CARM1: variants seen among roughly 807,000 people sequenced by gnomAD.
CARM1 encodes histone-arginine methyltransferase CARM1.
Under a neutral mutation model 72.7 loss-of-function variants are expected in CARM1, and 14 were observed. The ratio of observed to expected loss-of-function variants is 0.19; its 90% CI spans 0.13 to 0.30. The LOEUF (loss-of-function observed/expected upper bound fraction) is 0.30, where lower values mean the gene tolerates loss of function less well. Among genes scored for constraint, CARM1 ranks in the 10% least tolerant of loss-of-function variants. The pLI is 1.00. For synonymous variants in CARM1, 333 were observed against 345.5 expected, an observed-to-expected ratio of 0.96 and a Z score of 0.40; for missense variants, 432 against 833.7, an observed-to-expected ratio of 0.52 and a Z score of 5.93.
Position 10,908,185 on chromosome 19 carries a change from G to A in CARM1, c.453+40G>A. 7.3e-6 allele frequency: 10 copies of A among 1,373,036 alleles called. No individual in the cohort carries two copies. The South Asian group carries it at 9.3e-5, about 13-fold the overall frequency. 85.1% of individuals were successfully genotyped at this position (1,373,036 alleles called of 1,614,324 possible). ...CCCTCAGCCAGGCCGCCTCCCCCCG[G>A]CAGCCCCCCTGCCACTCACCCGCAG... On this transcript the variant is annotated intron_variant, in intron 3 of 15. Transcript: ENST00000327064.
At chr19:10,904,067 G>A (rs980340404) in intron 1 of CARM1, among the ~76,000 whole-genome samples, 6 of 152,144 alleles carry the variant, frequency 3.9e-5, no homozygotes, top group Non-Finnish European at 8.8e-5. Context: ...ACTTTGCATT[G>A]CATTGGGCAC....
At chr19:10,890,793 ATATTTTTTTTTTTT>A (rs1357906116) in intron 1 of CARM1, among the ~76,000 whole-genome samples, 1 of 83,788 alleles carries the variant, frequency 1.2e-5, no homozygotes, top group Admixed American at 1.5e-4. Flanking sequence ...ATATATATAT[ATATTTTTTTTTTTT>A]TTTTTTTTTT....
At position 10,896,351 on chromosome 19, in the gene CARM1, G is replaced by A. The variant is rs896048138; in HGVS notation, c.221-8600G>A. Among the ~76,000 whole-genome samples the A allele has an allele frequency of 1.3e-5, 2 of 152,108 alleles. No individual in the cohort carries two copies. Among genetic ancestry groups the A allele is most frequent in the South Asian group, 2.1e-4 (1 of 4,818 alleles). ...AGTCCCCCAGATTCTGCTGCCCTGG[G>A]GGGCCAATAAGGAGGGGATGTGCAG... On this transcript the variant is annotated intron_variant, in intron 1 of 15. Coordinates refer to ENST00000327064, the MANE Select transcript of CARM1 (RefSeq NM_199141.2). This position sits in a 1 kb window ranked among gnomAD's most constrained non-coding sequence, Gnocchi z 5.2.
Position 10,916,730 on chromosome 19 carries a change from G to A in CARM1, c.973G>A (p.Ala325Thr). Residue 325 changes from alanine to threonine, a missense_variant, in exon 8 of 16, where the codon GCC becomes ACC. Physicochemically the swap from Ala to Thr is moderately conservative, Grantham distance 58 (BLOSUM62 0). Coordinates refer to ENST00000327064, the MANE Select transcript of CARM1 (RefSeq NM_199141.2). This position sits in a 1 kb window ranked among gnomAD's most constrained non-coding sequence, Gnocchi z 4.4. Reference protein sequence around the residue: ...QPSFHGVDLSALRGAAVDEYF... With the variant: ...QPSFHGVDLSTLRGAAVDEYF... ...ATCTTTCCATGGAGTGGACCTGTCG[G>A]CCCTCCGAGGTGCCGCGGTGGATGA... is the stretch of plus-strand genomic sequence containing the variant. 6.4e-7 allele frequency: 1 copy of A among 1,556,186 alleles called. No homozygotes were observed. The highest frequency in any genetic ancestry group is 8.7e-7 in the Non-Finnish European group (1 of 1,149,768).
intron 1 of CARM1, among the ~76,000 whole-genome samples, chr19:10,886,002 T>TA (rs1258803769): frequency 2.7e-5 from 4 of 149,660 alleles, no homozygotes; most frequent in Non-Finnish European, 3.0e-5. Flanking sequence ...GCCTCCCGAG[T>TA]AGCTGGGACG....
At chr19:10,905,826 A>G (rs550191008) in intron 2 of CARM1, among the ~76,000 whole-genome samples, 3 of 151,574 alleles carry the variant, frequency 2.0e-5, no homozygotes, top group Non-Finnish European at 4.4e-5. Flanking sequence ...TTTTTTGTAG[A>G]GATGGGTTTT....
At chr19:10,881,474 G>A (rs531954682) in intron 1 of CARM1, among the ~76,000 whole-genome samples, 2 of 152,308 alleles carry the variant, frequency 1.3e-5, no homozygotes, top group African/African-American at 4.8e-5. Context: ...CCAGGGACAG[G>A]CGAGAAGCTT....
intron 4 of CARM1, among the ~76,000 whole-genome samples, chr19:10,909,431 CT>C (rs1394063807): frequency 6.8e-6 from 1 of 146,020 alleles, no homozygotes; most frequent in African/African-American, 2.6e-5. Flanking sequence ...ACTCTTGTCT[CT>C]TAAAAAAAAA....
intron 1 of CARM1, among the ~76,000 whole-genome samples, chr19:10,894,541 C>T (rs1389844731): frequency 6.6e-6 from 1 of 152,102 alleles, no homozygotes; most frequent in African/African-American, 2.4e-5. Context: ...ATTTGGACAA[C>T]GGCTTCTACA....
chr19:10,919,729 T>C (rs772237907), intron 9 of CARM1, 49 bp downstream of exon 9: 23 of 1,563,940 alleles, frequency 1.5e-5, no homozygotes, highest in Non-Finnish European at 1.7e-5. Flanking sequence ...AGGCCGAAGG[T>C]CAGGGCCACC....
intron 1 of CARM1, among the ~76,000 whole-genome samples, chr19:10,886,966 C>T (rs1223757999): frequency 1.3e-5 from 2 of 152,146 alleles, no homozygotes; most frequent in Non-Finnish European, 1.5e-5. Context: ...CCTCCTGCCT[C>T]GGTGTCCCGA....
At chr19:10,898,368 C>G (rs1477471528) in intron 1 of CARM1, among the ~76,000 whole-genome samples, 1 of 152,186 alleles carries the variant, frequency 6.6e-6, no homozygotes, top group Non-Finnish European at 1.5e-5. Context: ...CCACGGCCTC[C>G]TGGCTCTAGA....
In CARM1 at chr19:10,871,782, C is replaced by G; in HGVS notation, c.80C>G (p.Ala27Gly). 12 of 1,192,266 alleles carry G rather than the reference C, an allele frequency of 1.0e-5. No homozygotes were observed. The highest frequency in any genetic ancestry group is 1.3e-5 in the Non-Finnish European group (12 of 959,346). The allele number at this position is 1,192,266 out of a possible 1,614,324, so 73.9% of individuals were successfully genotyped here. A position where few individuals can be genotyped will look rare whatever the true frequency, so the allele number is the denominator to read the frequency against. ...SAVPGGAGPC[A>G]TVSVFPGARL... ...GTCCCGGGCGGCGCGGGGCCCTGCG[C>G]TACCGTGTCGGTGTTCCCCGGCGCC... Residue 27 changes from alanine (A) to glycine (G), a missense_variant, in exon 1 of 16, where the codon GCT becomes GGT. Coordinates refer to ENST00000327064, the MANE Select transcript of CARM1 (RefSeq NM_199141.2). The surrounding 1 kb of genome is among the most constrained non-coding windows in gnomAD (Gnocchi z 5.6).
intron 1 of CARM1, among the ~76,000 whole-genome samples, chr19:10,878,017 A>AT (rs919321129): frequency 7.2e-5 from 11 of 151,882 alleles, no homozygotes; most frequent in African/African-American, 2.7e-4. Flanking sequence ...AATTTAAGCA[A>AT]TTTTTTTAGA....
intron 1 of CARM1, among the ~76,000 whole-genome samples, chr19:10,881,279 G>A (rs774458209): frequency 6.6e-6 from 1 of 152,212 alleles, no homozygotes; most frequent in South Asian, 2.1e-4. Flanking sequence ...ATTGGCCGTG[G>A]TGTAGCTGTG....
chr19:10,902,544 C>G (rs188471733), intron 1 of CARM1, among the ~76,000 whole-genome samples: 4 of 151,246 alleles, frequency 2.6e-5, no homozygotes, highest in Non-Finnish European at 5.9e-5. Flanking sequence ...CTCCTGACCT[C>G]GTGATCCACC....
chr19:10,891,942 A>G (rs1454808898), intron 1 of CARM1, among the ~76,000 whole-genome samples: 1 of 152,162 alleles, frequency 6.6e-6, no homozygotes, highest in Non-Finnish European at 1.5e-5. Flanking sequence ...TGCTTCCCGG[A>G]GGCAGCACTG....
In CARM1 at chr19:10,871,934, G is replaced by A; in HGVS notation, c.220+12G>A. On this transcript the variant is annotated intron_variant, in intron 1 of 15. Transcript: ENST00000327064. The surrounding 1 kb of genome is among the most constrained non-coding windows in gnomAD (Gnocchi z 5.6). The stretch of plus-strand genomic sequence containing the variant: ...CGCCCTCTACAGCCGTGAGTACGGG[G>A]CCCCGGGGCAGGCGCAGGGCCGGGG... 8.4e-6 allele frequency: 10 copies of A among 1,184,144 alleles called. No individual in the cohort carries two copies. The highest frequency in any genetic ancestry group is 1.0e-5 in the Non-Finnish European group (10 of 956,704). 73.4% of individuals were successfully genotyped at this position (1,184,144 alleles called of 1,614,324 possible). A position where few individuals can be genotyped will look rare whatever the true frequency, so the allele number is the denominator to read the frequency against.
chr19:10,897,183 G>A (rs1382264952), intron 1 of CARM1, among the ~76,000 whole-genome samples: 1 of 152,128 alleles, frequency 6.6e-6, no homozygotes, highest in Non-Finnish European at 1.5e-5. Flanking sequence ...CAGTCACCTC[G>A]GCCACTCTTG....
Sources: allele counts gnomAD v4.1 joint callset (sites outside exome capture counted in the v4.1 genomes callset), GRCh38; gene constraint gnomAD v4.1.1; non-coding constraint Gnocchi (gnomAD v3.1); transcripts MANE v1.5; gene names NCBI Gene and HGNC (gene_info 2026-07-23, HGNC 2026-07-21).